The following PIGP variants were observed in gnomAD, a reference collection of about 807,000 sequenced individuals.
PIGP encodes the protein phosphatidylinositol glycan anchor biosynthesis class P, also known as phosphatidylinositol N-acetylglucosaminyltransferase subunit P.
PIGP carries 12 observed loss-of-function variants against 16.9 expected under a neutral mutation model. The ratio of observed to expected loss-of-function variants is 0.71; its 90% confidence interval spans 0.46 to 1.15. PIGP has a LOEUF of 1.15. Ranked by LOEUF, PIGP falls within the 50% of genes most tolerant of loss-of-function variation. PIGP has a pLI of 0.00. For synonymous variants in PIGP, 57 were observed against 54.7 expected (o/e 1.04, Z -0.18); for missense variants, 159 against 153.5 (o/e 1.04, Z -0.19).
Position 37,072,555 on chromosome 21 carries a change from A to C in PIGP, c.-22-18T>G. On this transcript the variant is annotated intron_variant, in intron 1 of 4. Transcript: ENST00000360525. ...TAGACAATCTGTGGAAAAGGAACAC[A>C]ATCAGCGTCAGCGATGTGCTCCGTG... 6.2e-7 allele frequency: 1 copy of C among 1,614,224 alleles called. No homozygotes were observed. The highest frequency in any genetic ancestry group is 8.5e-7 in the Non-Finnish European group (1 of 1,180,018).
At position 37,070,199 on chromosome 21, in the gene PIGP, G is replaced by A. The variant is rs575858529; in HGVS notation, c.83-575C>T. ...TGTATGCATTAAGATAATCCTCCAA[G>A]ACAATCCTCCAAGGCAAGTATGCAA... On this transcript the variant is annotated intron_variant, in intron 2 of 4. Transcript: ENST00000360525. 5.3e-5 allele frequency among the ~76,000 whole-genome samples: 8 copies of A among 152,228 alleles called. No individual in the cohort carries two copies. In the East Asian group the frequency reaches 1.5e-3, roughly 29 times the overall value.
At position 37,070,069 on chromosome 21, in the gene PIGP, T is replaced by C. The variant is rs189489293; in HGVS notation, c.83-445A>G. Reference sequence around the variant, plus strand: ...CCCTATCTCCCAGAGTACAATGTTATTTCCCTCAATCCGAAATCTCGGCAC... The same window carrying C: ...CCCTATCTCCCAGAGTACAATGTTACTTCCCTCAATCCGAAATCTCGGCAC... On this transcript the variant is annotated intron_variant, in intron 2 of 4. Transcript: ENST00000360525. 4.3e-4 allele frequency among the ~76,000 whole-genome samples: 66 copies of C among 152,294 alleles called. 1 individual carries two copies. In the East Asian group the frequency reaches 0.012, roughly 29 times the overall value.
intron 4 of PIGP, among the ~76,000 whole-genome samples, chr21:37,066,601 G>A (rs531825076): frequency 4.6e-5 from 7 of 152,256 alleles, no homozygotes; most frequent in East Asian, 3.9e-4. Context: ...CCAGACGAAC[G>A]TGTTGTGGCT....
At position 37,072,998 on chromosome 21, in the gene PIGP, A is replaced by G. The variant is rs1180412859; in HGVS notation, c.-23+2T>C. The G allele has an allele frequency of 5.9e-6, 1 of 170,422 alleles. No homozygotes were observed. Among genetic ancestry groups the G allele is most frequent in the Non-Finnish European group, 1.2e-5 (1 of 80,548 alleles). 10.6% of individuals were successfully genotyped at this position (170,422 alleles called of 1,614,324 possible). On this transcript the variant is annotated splice_donor_variant, in intron 1 of 4. Coordinates refer to ENST00000360525, the MANE Select transcript of PIGP (RefSeq NM_153682.3). LOFTEE classifies it low-confidence loss of function (5UTR_SPLICE). The stretch of plus-strand genomic sequence containing the variant: ...CCAGGCCCCTCCCGACACCTCGGCC[A>G]CCTCAGCGCTGAGTTCTCCGCGCAA...
intron 4 of PIGP, among the ~76,000 whole-genome samples, chr21:37,066,971 CGTGTGTGTGTGTGTGTGT>C (rs56940945): frequency 0.033 from 4,737 of 143,844 alleles, 200 homozygotes; most frequent in African/African-American, 0.099. Context: ...TTTTACTGTC[CGTGTGTGTGTGTGTGTGT>C]GTGTGTGTGT....
At position 37,065,493 on chromosome 21, in the gene PIGP, G is replaced by A; in HGVS notation, c.*89C>T. 8 of 1,316,964 alleles carry A rather than the reference G, an allele frequency of 6.1e-6. No individual in the cohort carries two copies. The highest frequency in any genetic ancestry group is 8.4e-6 in the Non-Finnish European group (8 of 952,516). 81.6% of individuals were successfully genotyped at this position (1,316,964 alleles called of 1,614,324 possible). Reference sequence around the variant, plus strand: ...ATTTTTTACTTCTCTATTAATAAGAGAGATGGTCAAATTAATTTATGGTCA... The same window carrying A: ...ATTTTTTACTTCTCTATTAATAAGAAAGATGGTCAAATTAATTTATGGTCA... On this transcript the variant is annotated 3_prime_UTR_variant, in exon 5 of 5. Transcript: ENST00000360525.
intron 1 of PIGP, 154 bp downstream of exon 1, chr21:37,072,846 A>G: frequency 2.1e-6 from 1 of 471,920 alleles, no homozygotes; most frequent in South Asian, 2.8e-5. Flanking sequence ...CGCGGCGCCC[A>G]CCAGCATGCG....
intron 4 of PIGP, among the ~76,000 whole-genome samples, chr21:37,066,277 C>A (rs1340566812): frequency 6.6e-6 from 1 of 152,054 alleles, no homozygotes; most frequent in South Asian, 2.1e-4. Flanking sequence ...GTATTTAAAT[C>A]AACATGGCAA....
chr21:37,069,531 T>G, intron 3 of PIGP, 21 bp downstream of exon 3: 2 of 1,414,494 alleles, frequency 1.4e-6, no homozygotes, highest in Non-Finnish European at 1.9e-6. Flanking sequence ...TATCCTCATT[T>G]AAGAAATATA....
intron 2 of PIGP, among the ~76,000 whole-genome samples, chr21:37,070,826 A>G (rs1210505458): frequency 6.6e-6 from 1 of 152,182 alleles, no homozygotes; most frequent in Non-Finnish European, 1.5e-5. Flanking sequence ...GCAAAAGTGC[A>G]ATCTCAGCTC....
intron 2 of PIGP, chr21:37,072,204 C>G: frequency 6.3e-7 from 1 of 1,597,840 alleles, no homozygotes; most frequent in Non-Finnish European, 8.6e-7. Flanking sequence ...GCTTTATCCA[C>G]TTTGCCATCG....
At chr21:37,067,153 C>T (rs1386549669) in intron 4 of PIGP, 109 bp downstream of exon 4, 22 of 678,208 alleles carry the variant, frequency 3.2e-5, no homozygotes, top group East Asian at 2.2e-4. Context: ...ATTACAGACG[C>T]GCACCACCAA....
At chr21:37,070,998 TG>T (rs1224642166) in intron 2 of PIGP, among the ~76,000 whole-genome samples, 1 of 152,228 alleles carries the variant, frequency 6.6e-6, no homozygotes, top group Non-Finnish European at 1.5e-5. Flanking sequence ...CGACCTCAGA[TG>T]ATCTGCCTGC....
chr21:37,067,407 A>G (rs768723905), intron 3 of PIGP, 27 bp from the exon 4 acceptor site: 4 of 1,227,878 alleles, frequency 3.3e-6, no homozygotes, highest in East Asian at 4.7e-5. Flanking sequence ...TAAAGTACAT[A>G]ATAGACACTT....
chr21:37,072,281 C>T, intron 2 of PIGP, 153 bp downstream of exon 2: 1 of 1,607,912 alleles, frequency 6.2e-7, no homozygotes, highest in South Asian at 1.1e-5. Context: ...ACACGGAACA[C>T]TCAGCAAACA....
At chr21:37,072,252 C>G in intron 2 of PIGP, 182 bp downstream of exon 2, 1 of 1,611,260 alleles carries the variant, frequency 6.2e-7, no homozygotes, top group Non-Finnish European at 8.5e-7. Context: ...AGACTAAAAC[C>G]TCCTAGGCTA....
intron 2 of PIGP, 62 bp downstream of exon 2, chr21:37,072,372 A>G: frequency 6.2e-7 from 1 of 1,608,612 alleles, no homozygotes; most frequent in Non-Finnish European, 8.5e-7. Context: ...TAACCAATGT[A>G]TTCTTCCCTT....
chr21:37,067,498 C>T lies in PIGP; in HGVS notation c.156-118G>A, dbSNP rs185452170. On this transcript the variant is annotated intron_variant, in intron 3 of 4. Coordinates refer to ENST00000360525, the MANE Select transcript of PIGP (RefSeq NM_153682.3). The stretch of plus-strand genomic sequence containing the variant: ...TAAATTTTATAAAGTAATATGTGTA[C>T]ATAAGAGACAAATAGTTCCACAAGG... The T allele has an allele frequency of 3.0e-4, 187 of 615,908 alleles. No homozygotes were observed. The African/African-American group carries it at 3.2e-3, about 10-fold the overall frequency. The allele number at this position is 615,908 out of a possible 1,614,324, so 38.2% of individuals were successfully genotyped here. A position where few individuals can be genotyped will look rare whatever the true frequency, so the allele number is the denominator to read the frequency against.
At chr21:37,069,432 T>C (rs1313962067) in intron 3 of PIGP, 120 bp downstream of exon 3, 3 of 575,784 alleles carry the variant, frequency 5.2e-6, no homozygotes, top group Non-Finnish European at 9.2e-6. Flanking sequence ...TCAATTTCTA[T>C]ATGGCTATTC....
Sources: allele counts gnomAD v4.1 joint callset (sites outside exome capture counted in the v4.1 genomes callset), GRCh38; gene constraint gnomAD v4.1.1; transcripts MANE v1.5; gene names NCBI Gene and HGNC (gene_info 2026-07-23, HGNC 2026-07-21).